PTPRM: variants seen among roughly 807,000 people sequenced by gnomAD.
The protein encoded by PTPRM is receptor-type tyrosine-protein phosphatase mu.
A neutral mutation model predicts 186.7 loss-of-function variants in PTPRM; 47 were observed. That is an observed-to-expected ratio of 0.25 (90% confidence interval 0.20 to 0.32). The LOEUF (loss-of-function observed/expected upper bound fraction) is 0.32, where lower values mean the gene tolerates loss of function less well. Ranked by LOEUF, PTPRM falls within the 10% of genes least tolerant of loss-of-function variation. The pLI is 1.00. For synonymous variants in PTPRM, 668 were observed against 674.9 expected (o/e 0.99, Z 0.16); for missense variants, 1,494 against 1,865.0 (o/e 0.80, Z 3.66).
chr18:7,860,671 TA>T (rs1193352010), intron 2 of PTPRM, among the ~76,000 whole-genome samples: 2 of 152,226 alleles, frequency 1.3e-5, no homozygotes, highest in Admixed American at 1.3e-4. Flanking sequence ...TGAATACTTC[TA>T]TTTAGCAGAA....
chr18:8,327,433 G>C (rs1166724000), intron 22 of PTPRM, among the ~76,000 whole-genome samples: 1 of 152,216 alleles, frequency 6.6e-6, no homozygotes, highest in Non-Finnish European at 1.5e-5. Context: ...TCATGACCAG[G>C]GCATCTGAAG....
At chr18:8,005,115 C>A (rs1369290285) in intron 7 of PTPRM, among the ~76,000 whole-genome samples, 1 of 152,118 alleles carries the variant, frequency 6.6e-6, no homozygotes, top group Admixed American at 6.5e-5. Context: ...AAAGAATGGT[C>A]CTTTGGGCAT....
intron 7 of PTPRM, among the ~76,000 whole-genome samples, chr18:8,059,046 G>A (rs1158786584): frequency 4.3e-5 from 6 of 139,240 alleles, no homozygotes; most frequent in Admixed American, 1.4e-4. Context: ...ACCTTGGGCA[G>A]TATGGCCATT....
At chr18:8,311,309 C>CA (rs576825540) in intron 20 of PTPRM, among the ~76,000 whole-genome samples, 4,245 of 127,060 alleles carry the variant, frequency 0.033, 69 homozygotes, top group Middle Eastern at 0.063. Flanking sequence ...AACTCCGTCT[C>CA]AAAAAAAAAA....
intron 1 of PTPRM, among the ~76,000 whole-genome samples, chr18:7,572,493 T>G (rs1400707950): frequency 6.6e-6 from 1 of 152,240 alleles, no homozygotes. Flanking sequence ...TGTGAGGCTG[T>G]ATACAGTAGA....
intron 19 of PTPRM, among the ~76,000 whole-genome samples, chr18:8,259,342 T>TTA (rs2147470561): frequency 3.3e-5 from 5 of 152,308 alleles, no homozygotes; most frequent in Middle Eastern, 3.4e-3. Context: ...TTAGCTCAGT[T>TTA]TAAACTGGGG....
At chr18:8,000,189 ACCAGATGTCTAGGCTG>A (rs1419450631) in intron 7 of PTPRM, among the ~76,000 whole-genome samples, 1 of 152,152 alleles carries the variant, frequency 6.6e-6, no homozygotes, top group Non-Finnish European at 1.5e-5. Context: ...AACATTCTTC[ACCAGATGTCTAGGCTG>A]CCTCTCACCT....
intron 19 of PTPRM, among the ~76,000 whole-genome samples, chr18:8,285,894 A>G (rs2094952022): frequency 6.6e-6 from 1 of 152,170 alleles, no homozygotes; most frequent in Non-Finnish European, 1.5e-5. Context: ...CAGGAGGCTG[A>G]GGCAGGAGGA....
intron 3 of PTPRM, among the ~76,000 whole-genome samples, chr18:7,903,618 C>A (rs2049819152): frequency 6.6e-6 from 1 of 152,232 alleles, no homozygotes; most frequent in East Asian, 1.9e-4. Context: ...TGCATATCTT[C>A]CTTTCTCTTG....
intron 13 of PTPRM, among the ~76,000 whole-genome samples, chr18:8,120,520 T>C (rs1429977374): frequency 2.0e-5 from 3 of 150,146 alleles, no homozygotes; most frequent in African/African-American, 7.4e-5. Context: ...TGAGACAGTG[T>C]CTTCCTCTGT....
chr18:7,835,728 T>C (rs2046012682), intron 2 of PTPRM, among the ~76,000 whole-genome samples: 1 of 152,142 alleles, frequency 6.6e-6, no homozygotes, highest in Non-Finnish European at 1.5e-5. Context: ...AATAATATTT[T>C]CTTTATATAT....
rs367582081 is a variant in PTPRM at position 7,622,304 on chromosome 18, T to G, written c.73+54413T>G. 6.4e-4 allele frequency among the ~76,000 whole-genome samples: 98 copies of G among 152,254 alleles called. 2 individuals are homozygous for G. The South Asian group carries it at 0.02, about 31-fold the overall frequency. Reference sequence around the variant, plus strand: ...ACTGTGTATATGCATTATTCCTTTATCGATCAAGCTTCTAGCTACTTCCTC... The same window carrying G: ...ACTGTGTATATGCATTATTCCTTTAGCGATCAAGCTTCTAGCTACTTCCTC... On this transcript the variant is annotated intron_variant, in intron 1 of 32. Coordinates refer to ENST00000580170, the MANE Select transcript of PTPRM (RefSeq NM_001105244.2).
chr18:8,136,793 G>GAA (rs11419103), intron 13 of PTPRM, among the ~76,000 whole-genome samples: 3 of 151,920 alleles, frequency 2.0e-5, no homozygotes, highest in African/African-American at 4.8e-5. Flanking sequence ...GGAACAGCTG[G>GAA]AAAAAACTAA....
chr18:8,009,437 C>T (rs111927839), intron 7 of PTPRM, among the ~76,000 whole-genome samples: 3,708 of 152,130 alleles, frequency 0.024, 136 homozygotes, highest in African/African-American at 0.085. Context: ...TGGCCGAGCG[C>T]GGTGGCCCAT....
At chr18:8,101,444 C>G (rs1188072494) in intron 11 of PTPRM, among the ~76,000 whole-genome samples, 2 of 152,124 alleles carry the variant, frequency 1.3e-5, no homozygotes, top group African/African-American at 4.8e-5. Flanking sequence ...TTTCTGGGTC[C>G]TAGCATTGTA....
chr18:7,578,527 G>A (rs1269044792), intron 1 of PTPRM, among the ~76,000 whole-genome samples: 1 of 151,936 alleles, frequency 6.6e-6, no homozygotes, highest in East Asian at 1.9e-4. Flanking sequence ...AGTAGAGATG[G>A]GGTTTCACTG....
chr18:8,100,758 C>A (rs117165694), intron 11 of PTPRM, among the ~76,000 whole-genome samples: 2,176 of 152,276 alleles, frequency 0.014, 21 homozygotes, highest in South Asian at 0.056. Context: ...ATTTGCAAAC[C>A]GAATTGCTCA....
At chr18:7,758,136 T>G (rs967583297) in intron 1 of PTPRM, among the ~76,000 whole-genome samples, 2 of 152,150 alleles carry the variant, frequency 1.3e-5, no homozygotes, top group African/African-American at 4.8e-5. Flanking sequence ...CTGATGCAGG[T>G]GGCCAGTGAA....
intron 3 of PTPRM, among the ~76,000 whole-genome samples, chr18:7,899,713 G>A (rs935019556): frequency 2.6e-5 from 4 of 152,274 alleles, no homozygotes; most frequent in South Asian, 2.1e-4. Flanking sequence ...TAATATTAAA[G>A]TGTTACTAAT....
Sources: gnomAD v4.1 joint callset for allele counts (sites outside exome capture counted in the v4.1 genomes callset) on GRCh38, gnomAD v4.1.1 for gene constraint, MANE v1.5 for transcripts, NCBI Gene and HGNC (gene_info 2026-07-23, HGNC 2026-07-21) for gene names.